Variants in SLC29A4 observed in about 807,000 individuals in gnomAD.
The protein encoded by SLC29A4 is solute carrier family 29 member 4.
A neutral mutation model predicts 43.9 loss-of-function variants in SLC29A4; 36 were observed. The ratio of observed to expected loss-of-function variants is 0.82; its 90% CI spans 0.63 to 1.08. The LOEUF (loss-of-function observed/expected upper bound fraction) is 1.08, where lower values mean the gene tolerates loss of function less well. Ranked by LOEUF, SLC29A4 falls within the 50% of genes least tolerant of loss-of-function variation. The probability of loss-of-function intolerance (pLI) is 0.00; values close to 1 mark genes in which losing one functional copy is unlikely to be tolerated. For synonymous variants in SLC29A4, 491 were observed against 338.0 expected (o/e 1.45, Z -4.97); for missense variants, 869 against 755.3 (o/e 1.15, Z -1.77).
rs1393807166 is a variant in SLC29A4 at position 5,283,934 on chromosome 7, C to T, written c.-9+852C>T. On this transcript the variant is annotated intron_variant, in intron 1 of 10. Coordinates refer to ENST00000396872, the MANE Select transcript of SLC29A4 (RefSeq NM_153247.4). ...CTGGCTTTGGGGTCCCGACGCCCAGCGCTTCCAGCTGCCCTGGGCCACTGT... is the reference window on the plus strand; with the variant it reads ...CTGGCTTTGGGGTCCCGACGCCCAGTGCTTCCAGCTGCCCTGGGCCACTGT... Among the ~76,000 whole-genome samples the T allele has an allele frequency of 7.9e-5, 12 of 152,186 alleles. No homozygotes were observed. In the East Asian group the frequency reaches 1.9e-3, roughly 25 times the overall value.
At position 5,306,187 on chromosome 7, in the gene SLC29A4, ATTTCTTTTTTT is replaced by A. The variant is rs1786480080; in HGVS notation, c.*3252_*3262del. The A allele has an allele frequency of 8.5e-6, 1 of 117,584 alleles. No homozygotes were observed. The highest frequency in any genetic ancestry group is 2.7e-4 in the South Asian group (1 of 3,656). 7.3% of individuals were successfully genotyped at this position (117,584 alleles called of 1,614,324 possible). Reference sequence around the variant, plus strand: ...ATTTTTTCTCATGTAAATTTGTTCAATTTCTTTTTTTTTTTTTTTTTTTTTTTTTGAGACAA... The same window carrying A: ...ATTTTTTCTCATGTAAATTTGTTCAATTTTTTTTTTTTTTTTTTGAGACAA... On this transcript the variant is annotated 3_prime_UTR_variant, in exon 11 of 11. Transcript: ENST00000396872.
intron 1 of SLC29A4, among the ~76,000 whole-genome samples, chr7:5,287,554 CTG>C (rs1163860942): frequency 2.0e-5 from 3 of 152,234 alleles, no homozygotes; most frequent in Non-Finnish European, 4.4e-5. Flanking sequence ...TGTGGTGAAA[CTG>C]AGGCTCAGAG....
chr7:5,284,934 G>C (rs1207010737), intron 1 of SLC29A4, among the ~76,000 whole-genome samples: 1 of 152,226 alleles, frequency 6.6e-6, no homozygotes, highest in Non-Finnish European at 1.5e-5. Context: ...GTCCAGGGAA[G>C]CATCTTGGGG....
In SLC29A4 at chr7:5,291,148, G is replaced by T; in HGVS notation, c.326G>T (p.Ser109Ile). Reference sequence around the variant, plus strand: ...GGGACCTCCATCGTGTTTGACATGAGCCTCACCTACATCTTGGTGGCACTG... The same window carrying T: ...GGGACCTCCATCGTGTTTGACATGATCCTCACCTACATCTTGGTGGCACTG... Reference protein sequence around the residue: ...YPGTSIVFDMSLTYILVALAA... With the variant: ...YPGTSIVFDMILTYILVALAA... The change falls in exon 4 of 11, where the codon AGC becomes ATC. Residue 109 changes from serine to isoleucine, a missense_variant. Transcript: ENST00000396872. The T allele has an allele frequency of 1.2e-6, 2 of 1,613,942 alleles. No individual in the cohort carries two copies. The highest frequency in any genetic ancestry group is 1.7e-6 in the Non-Finnish European group (2 of 1,180,032).
At position 5,291,761 on chromosome 7, in the gene SLC29A4, C is replaced by A. The variant is rs751986686; in HGVS notation, c.484C>A (p.Arg162=). The change falls in exon 5 of 11, where the codon CGG becomes AGG. Residue 162 remains arginine, a synonymous_variant. Coordinates refer to ENST00000396872, the MANE Select transcript of SLC29A4 (RefSeq NM_153247.4). ...CGACGTGTGGCTGCAGCTCTTCTCT[C>A]GGGACCAGGCCTACGCCATCAACCT... ...ICDVWLQLFS[R]DQAYAINLAA... is the part of the protein sequence containing the mutation. 6.8e-6 allele frequency: 11 copies of A among 1,611,900 alleles called. No homozygotes were observed. In the Admixed American group the frequency reaches 1.2e-4, roughly 17 times the overall value.
intron 6 of SLC29A4, among the ~76,000 whole-genome samples, chr7:5,296,171 C>G (rs1331917791): frequency 6.6e-6 from 1 of 152,152 alleles, no homozygotes; most frequent in Non-Finnish European, 1.5e-5. Context: ...ACCTCCGCGT[C>G]AAAGGTCCCC....
chr7:5,299,544 A>T, intron 9 of SLC29A4, 117 bp downstream of exon 9: 1 of 1,174,422 alleles, frequency 8.5e-7, no homozygotes, highest in East Asian at 2.5e-5. Flanking sequence ...CCCAGGTGGA[A>T]AGGGCAAGAG....
chr7:5,301,681 G>T (rs1272681162), intron 10 of SLC29A4, among the ~76,000 whole-genome samples: 2 of 152,222 alleles, frequency 1.3e-5, no homozygotes, highest in African/African-American at 4.8e-5. Flanking sequence ...GGTCAACGTG[G>T]CACTGGGAGG....
rs185358216 is a variant in SLC29A4 at position 5,297,302 on chromosome 7, A to G, written c.882+104A>G. On this transcript the variant is annotated intron_variant, in intron 7 of 10. Transcript: ENST00000396872. ...GCCCAGCCTCTCACCTGCATCCCAG[A>G]CTGTGGTCTCCTCCTGTGGTGGAGA... is the stretch of plus-strand genomic sequence containing the variant. The G allele has an allele frequency of 4.0e-4, 527 of 1,312,568 alleles. No individual in the cohort carries two copies. In the African/African-American group the frequency reaches 7.1e-3, roughly 18 times the overall value. 81.3% of individuals were successfully genotyped at this position (1,312,568 alleles called of 1,614,324 possible). A position where few individuals can be genotyped will look rare whatever the true frequency, so the allele number is the denominator to read the frequency against.
At chr7:5,295,468 C>T (rs1785589735) in intron 6 of SLC29A4, among the ~76,000 whole-genome samples, 2 of 152,196 alleles carry the variant, frequency 1.3e-5, no homozygotes, top group African/African-American at 4.8e-5. Context: ...CCTTTGCTCA[C>T]GCCTGAACCT....
intron 8 of SLC29A4, 23 bp from the exon 9 acceptor site, chr7:5,299,217 G>T (rs377022458): frequency 1.2e-6 from 2 of 1,603,844 alleles, no homozygotes; most frequent in Non-Finnish European, 1.7e-6. Context: ...CGCTGCCTCT[G>T]ACCCCCGCCC....
At chr7:5,289,552 C>A (rs62441133) in intron 2 of SLC29A4, among the ~76,000 whole-genome samples, 1 of 151,950 alleles carries the variant, frequency 6.6e-6, no homozygotes, top group Non-Finnish European at 1.5e-5. Context: ...TTAGGTCAGA[C>A]CCACCCAGGG....
Position 5,302,042 on chromosome 7 carries a change from G to A in SLC29A4, c.1451-755G>A, listed in dbSNP as rs146910068. On this transcript the variant is annotated intron_variant, in intron 10 of 10. Coordinates refer to ENST00000396872, the MANE Select transcript of SLC29A4 (RefSeq NM_153247.4). ...CTCAGCTCACTGCAACCTCTGCCTC[G>A]CAGGTTCAAGCAATTCTCATGCCTC... 3.2e-3 allele frequency among the ~76,000 whole-genome samples: 487 copies of A among 152,152 alleles called. 7 individuals carry two copies. The highest frequency in any genetic ancestry group is 0.011 in the African/African-American group (459 of 41,512).
intron 2 of SLC29A4, 135 bp downstream of exon 2, chr7:5,288,120 T>C: frequency 8.6e-7 from 1 of 1,160,536 alleles, no homozygotes; most frequent in East Asian, 2.7e-5. Flanking sequence ...TCAGTGTGGA[T>C]TAGATCTGCT....
At chr7:5,283,841 A>C (rs1353415411) in intron 1 of SLC29A4, among the ~76,000 whole-genome samples, 1 of 152,136 alleles carries the variant, frequency 6.6e-6, no homozygotes, top group Non-Finnish European at 1.5e-5. Context: ...CCCGCTTTCC[A>C]AGTGGAATTC....
chr7:5,293,459 T>A (rs1785445059), intron 5 of SLC29A4, among the ~76,000 whole-genome samples: 1 of 152,140 alleles, frequency 6.6e-6, no homozygotes, highest in Admixed American at 6.6e-5. Context: ...CGTGAGCCAC[T>A]ATGCCTAGCC....
At chr7:5,298,477 G>A (rs545168356) in intron 7 of SLC29A4, among the ~76,000 whole-genome samples, 1 of 152,136 alleles carries the variant, frequency 6.6e-6, no homozygotes, top group Non-Finnish European at 1.5e-5. Context: ...GGAATGATGA[G>A]ATGGAATTTG....
chr7:5,296,775 A>G lies in SLC29A4; in HGVS notation c.620-161A>G, dbSNP rs1458897725. Reference sequence around the variant, plus strand: ...ATGGGCGGGGCCTGTGGGTGGGGGCAGGGCCTGTGGTGGAGGGCGGGGCCT... The same window carrying G: ...ATGGGCGGGGCCTGTGGGTGGGGGCGGGGCCTGTGGTGGAGGGCGGGGCCT... On this transcript the variant is annotated intron_variant, in intron 6 of 10. Transcript: ENST00000396872. 1.9e-4 allele frequency among the ~76,000 whole-genome samples: 21 copies of G among 109,964 alleles called. No individual in the cohort carries two copies. The South Asian group carries it at 5.0e-3, about 26-fold the overall frequency. The allele number at this position is 109,964 out of a possible 152,430, so 72.1% of individuals were successfully genotyped here. A position where few individuals can be genotyped will look rare whatever the true frequency, so the allele number is the denominator to read the frequency against.
At position 5,303,317 on chromosome 7, in the gene SLC29A4, C is replaced by T; in HGVS notation, c.*378C>T. ...CCAGAGTGTGCGCGCCCAGTGACTG[C>T]ACCCCGGCCCTCATCACCCACCGGC... On this transcript the variant is annotated 3_prime_UTR_variant, in exon 11 of 11. Coordinates refer to ENST00000396872, the MANE Select transcript of SLC29A4 (RefSeq NM_153247.4). The T allele has an allele frequency of 3.4e-6, 1 of 296,668 alleles. No individual in the cohort carries two copies. The highest frequency in any genetic ancestry group is 3.6e-5 in the South Asian group (1 of 27,626). 18.4% of individuals were successfully genotyped at this position (296,668 alleles called of 1,614,324 possible).
Sources: gnomAD v4.1 joint callset for allele counts (sites outside exome capture counted in the v4.1 genomes callset) on GRCh38, gnomAD v4.1.1 for gene constraint, MANE v1.5 for transcripts, NCBI Gene and HGNC (gene_info 2026-07-23, HGNC 2026-07-21) for gene names.